DLG2: variants seen among roughly 807,000 people sequenced by gnomAD.
DLG2 encodes discs large MAGUK scaffold protein 2, also known as disks large homolog 2.
DLG2 carries 45 observed loss-of-function variants against 132.5 expected under a neutral mutation model. The observed-to-expected ratio is 0.34, with a 90% CI of 0.27 to 0.44. DLG2 has a LOEUF of 0.44. Ranked by LOEUF, DLG2 falls within the 20% of genes least tolerant of loss-of-function variation. The pLI is 1.00. For missense variants in DLG2, 1,045 were observed against 1,196.9 expected, an observed-to-expected ratio of 0.87 and a Z score of 1.87; for synonymous variants, 424 against 419.6, an observed-to-expected ratio of 1.01 and a Z score of -0.13.
At chr11:85,108,007 AACAC>A (rs10654409) in intron 6 of DLG2, among the ~76,000 whole-genome samples, 4 of 142,250 alleles carry the variant, frequency 2.8e-5, no homozygotes, top group African/African-American at 7.9e-5. Context: ...CAAACAAATA[AACAC>A]ACACACACAC....
At chr11:84,499,236 T>C (rs905494264) in intron 7 of DLG2, among the ~76,000 whole-genome samples, 2 of 152,228 alleles carry the variant, frequency 1.3e-5, no homozygotes. Context: ...TAAAACTGAA[T>C]TGTAATGTCT....
At chr11:85,583,254 C>T (rs1037008296) in intron 3 of DLG2, among the ~76,000 whole-genome samples, 2 of 148,214 alleles carry the variant, frequency 1.3e-5, no homozygotes, top group African/African-American at 5.0e-5. Flanking sequence ...CAGCCTCAAC[C>T]TCCCAAGCTC....
chr11:84,495,033 CA>C (rs1484393077), intron 7 of DLG2, among the ~76,000 whole-genome samples: 1 of 152,146 alleles, frequency 6.6e-6, no homozygotes. Flanking sequence ...CACACCTACA[CA>C]CAAGCTCACC....
At chr11:85,501,234 G>C (rs1471403590) in intron 3 of DLG2, among the ~76,000 whole-genome samples, 1 of 151,938 alleles carries the variant, frequency 6.6e-6, no homozygotes, top group Non-Finnish European at 1.5e-5. Flanking sequence ...AACTGAAACT[G>C]GACCCCTTCC....
At chr11:85,337,681 C>T (rs1259669116) in intron 3 of DLG2, among the ~76,000 whole-genome samples, 1 of 152,170 alleles carries the variant, frequency 6.6e-6, no homozygotes, top group Admixed American at 6.5e-5. Context: ...GCTGATTAGG[C>T]TCAGTAAAGT....
At chr11:84,807,347 G>A (rs1421401870) in intron 6 of DLG2, among the ~76,000 whole-genome samples, 2 of 152,116 alleles carry the variant, frequency 1.3e-5, no homozygotes, top group Non-Finnish European at 2.9e-5. Flanking sequence ...TCAGGAGACT[G>A]AGGCAGGAGA....
chr11:84,083,993 T>C (rs1203183445), intron 10 of DLG2, among the ~76,000 whole-genome samples: 1 of 152,112 alleles, frequency 6.6e-6, no homozygotes, highest in African/African-American at 2.4e-5. Context: ...CCAACAGACA[T>C]AATCAGGAAT....
chr11:85,095,433 A>G (rs1160494662), intron 6 of DLG2, among the ~76,000 whole-genome samples: 1 of 152,170 alleles, frequency 6.6e-6, no homozygotes, highest in African/African-American at 2.4e-5. Context: ...CTACCACTTT[A>G]TTGAAACTAC....
intron 3 of DLG2, among the ~76,000 whole-genome samples, chr11:85,292,657 G>GAAGGAAGGAAGGGAGA (rs1565279273): frequency 3.4e-5 from 1 of 29,742 alleles, no homozygotes. Context: ...AGGAAGGAAG[G>GAAGGAAGGAAGGGAGA]GAGGGAGGGA....
intron 3 of DLG2, among the ~76,000 whole-genome samples, chr11:85,448,684 G>A (rs1374933582): frequency 6.6e-6 from 1 of 152,172 alleles, no homozygotes; most frequent in Non-Finnish European, 1.5e-5. Context: ...ACACAGAGAA[G>A]TAGCCTCTAT....
intron 3 of DLG2, among the ~76,000 whole-genome samples, chr11:85,587,695 C>A (rs966301695): frequency 6.6e-6 from 1 of 152,196 alleles, no homozygotes; most frequent in South Asian, 2.1e-4. Context: ...TTACATTCAA[C>A]ATAAGTACTG....
chr11:85,408,429 G>C (rs1197246395), intron 3 of DLG2, among the ~76,000 whole-genome samples: 3 of 150,888 alleles, frequency 2.0e-5, no homozygotes, highest in African/African-American at 7.3e-5. Flanking sequence ...AAGTTTTAGG[G>C]TACATGTGCA....
intron 3 of DLG2, chr11:85,525,003 C>A (rs182800143): frequency 6.6e-6 from 1 of 152,136 alleles, no homozygotes; most frequent in African/African-American, 2.4e-5. Context: ...GGTATAACTT[C>A]CTTCCTTCCT....
intron 18 of DLG2, among the ~76,000 whole-genome samples, chr11:83,659,398 A>T (rs1335766393): frequency 6.6e-6 from 1 of 152,222 alleles, no homozygotes; most frequent in Non-Finnish European, 1.5e-5. Context: ...CTGCCCATAC[A>T]TAAAGCATAC....
chr11:84,370,052 A>G (rs2098699746), intron 7 of DLG2, among the ~76,000 whole-genome samples: 1 of 152,088 alleles, frequency 6.6e-6, no homozygotes, highest in Non-Finnish European at 1.5e-5. Flanking sequence ...CTGAAGAGAG[A>G]GGGTATTTAC....
At chr11:84,646,919 C>A (rs2099675686) in intron 6 of DLG2, among the ~76,000 whole-genome samples, 1 of 151,964 alleles carries the variant, frequency 6.6e-6, no homozygotes, top group South Asian at 2.1e-4. Context: ...AAGTTATAAC[C>A]CAGGCATATT....
intron 18 of DLG2, among the ~76,000 whole-genome samples, chr11:83,775,397 T>C (rs1410524714): frequency 6.6e-6 from 1 of 152,248 alleles, no homozygotes; most frequent in Non-Finnish European, 1.5e-5. Flanking sequence ...TTTACTCTAC[T>C]GTATAGTTTT....
intron 21 of DLG2, among the ~76,000 whole-genome samples, chr11:83,514,365 T>C (rs950651272): frequency 1.6e-4 from 25 of 152,218 alleles, no homozygotes; most frequent in Non-Finnish European, 3.2e-4. Context: ...CTTGTGATTT[T>C]TGTACATTGA....
chr11:84,532,371 G>A (rs2154520340), intron 7 of DLG2, among the ~76,000 whole-genome samples: 1 of 152,094 alleles, frequency 6.6e-6, no homozygotes, highest in East Asian at 1.9e-4. Context: ...CTAGTAGAAG[G>A]ATATAAAATG....
Sources: allele counts gnomAD v4.1 joint callset (sites outside exome capture counted in the v4.1 genomes callset), GRCh38; gene constraint gnomAD v4.1.1; transcripts MANE v1.5; gene names NCBI Gene and HGNC (gene_info 2026-07-23, HGNC 2026-07-21).